The following TENM3 variants were observed in gnomAD, a reference collection of about 807,000 sequenced individuals.
TENM3 encodes teneurin transmembrane protein 3.
In TENM3, 63 loss-of-function variants were observed where a neutral mutation model predicts 255.1. The ratio of observed to expected loss-of-function variants is 0.25; its 90% CI spans 0.20 to 0.30. The LOEUF is 0.30. Among genes scored for constraint, TENM3 ranks in the 10% least tolerant of loss-of-function variants. The pLI is 1.00. For missense variants in TENM3, 2,929 were observed against 3,461.1 expected, an observed-to-expected ratio of 0.85 and a Z score of 3.86; for synonymous variants, 1,306 against 1,322.3, an observed-to-expected ratio of 0.99 and a Z score of 0.27.
chr4:182,623,044 T>G (rs1425612418), intron 4 of TENM3, among the ~76,000 whole-genome samples: 1 of 148,904 alleles, frequency 6.7e-6, no homozygotes, highest in Non-Finnish European at 1.5e-5. Context: ...TGAGTCTCGC[T>G]CCATTGCCCA....
At chr4:181,961,824 A>G in the TENM3 span, among the ~76,000 whole-genome samples, 1 of 152,234 alleles carries the variant, frequency 6.6e-6, no homozygotes, top group African/African-American at 2.4e-5. Flanking sequence ...TCTTCAAAAG[A>G]GTAAAGATAT....
the TENM3 span, among the ~76,000 whole-genome samples, chr4:181,851,133 G>A: frequency 6.6e-6 from 1 of 152,216 alleles, no homozygotes; most frequent in East Asian, 1.9e-4. Context: ...TCCACTACAA[G>A]ACCCCCTTAT....
intron 7 of TENM3, among the ~76,000 whole-genome samples, chr4:182,678,186 G>C (rs1329836480): frequency 6.6e-6 from 1 of 152,104 alleles, no homozygotes; most frequent in Non-Finnish European, 1.5e-5. Context: ...ACATTGGAAA[G>C]TCTTTTCAGT....
the TENM3 span, among the ~76,000 whole-genome samples, chr4:181,569,928 CCTAA>C: frequency 9.2e-5 from 14 of 151,988 alleles, no homozygotes; most frequent in African/African-American, 2.9e-4. Context: ...CAGTAACGGA[CCTAA>C]CTAAGAAAAA....
At chr4:181,579,886 C>A in the TENM3 span, among the ~76,000 whole-genome samples, 1 of 152,036 alleles carries the variant, frequency 6.6e-6, no homozygotes, top group Admixed American at 6.5e-5. Flanking sequence ...AGGACCATCC[C>A]CATGTTTGGG....
chr4:182,797,861 T>C (rs1488382930), intron 27 of TENM3, among the ~76,000 whole-genome samples: 1 of 152,212 alleles, frequency 6.6e-6, no homozygotes, highest in Non-Finnish European at 1.5e-5. Flanking sequence ...GCAGCCATGG[T>C]TAACACACAC....
the TENM3 span, among the ~76,000 whole-genome samples, chr4:181,869,280 T>C: frequency 6.6e-6 from 1 of 152,234 alleles, no homozygotes; most frequent in Admixed American, 6.6e-5. Flanking sequence ...TTTAGAGGGA[T>C]TTGCAGTCCT....
At chr4:181,989,745 G>A in the TENM3 span, among the ~76,000 whole-genome samples, 518 of 152,178 alleles carry the variant, frequency 3.4e-3, 16 homozygotes, top group South Asian at 0.049. Context: ...GCAGCTATTC[G>A]TATTAACTGG....
chr4:182,573,500 A>G (rs1744611658), intron 3 of TENM3, among the ~76,000 whole-genome samples: 1 of 152,212 alleles, frequency 6.6e-6, no homozygotes. Context: ...ATTTTGTGTG[A>G]CACCATCAGA....
chr4:181,789,505 C>T, the TENM3 span, among the ~76,000 whole-genome samples: 1 of 151,984 alleles, frequency 6.6e-6, no homozygotes, highest in Non-Finnish European at 1.5e-5. Context: ...TATCCACCCA[C>T]TTCAGCCTCC....
chr4:182,409,549 A>C (rs1243367040), intron 3 of TENM3, among the ~76,000 whole-genome samples: 3 of 152,142 alleles, frequency 2.0e-5, no homozygotes, highest in African/African-American at 7.2e-5. Context: ...CCATGTGTAC[A>C]TTGGTGCAGG....
chr4:182,115,638 A>G, the TENM3 span, among the ~76,000 whole-genome samples: 1 of 152,196 alleles, frequency 6.6e-6, no homozygotes, highest in South Asian at 2.1e-4. Context: ...AGTGTTTTCC[A>G]TGTAAAAATT....
intron 12 of TENM3, among the ~76,000 whole-genome samples, chr4:182,706,932 C>A (rs1003134117): frequency 6.6e-6 from 1 of 150,550 alleles, no homozygotes; most frequent in East Asian, 2.0e-4. Flanking sequence ...GCACTCCAGC[C>A]TGGGTGACAG....
intron 3 of TENM3, among the ~76,000 whole-genome samples, chr4:182,361,955 G>C (rs1334843960): frequency 6.6e-6 from 1 of 152,188 alleles, no homozygotes; most frequent in Non-Finnish European, 1.5e-5. Context: ...CTCAGCTGCA[G>C]GTCTGTTGGA....
At chr4:182,025,863 A>G in the TENM3 span, among the ~76,000 whole-genome samples, 1 of 152,064 alleles carries the variant, frequency 6.6e-6, no homozygotes. Context: ...TCTAGGGTAC[A>G]TGTGCACAAT....
intron 1 of TENM3, among the ~76,000 whole-genome samples, chr4:182,225,534 G>A (rs1389863796): frequency 6.6e-6 from 1 of 152,180 alleles, no homozygotes; most frequent in Non-Finnish European, 1.5e-5. Flanking sequence ...GTGGCATGTG[G>A]AATGGTTAGG....
At chr4:181,523,308 T>G in the TENM3 span, among the ~76,000 whole-genome samples, 3 of 152,132 alleles carry the variant, frequency 2.0e-5, no homozygotes, top group Non-Finnish European at 4.4e-5. Flanking sequence ...GCTTCCACAG[T>G]AGAGTTTGAA....
At chr4:181,544,172 G>A in the TENM3 span, among the ~76,000 whole-genome samples, 74 of 151,956 alleles carry the variant, frequency 4.9e-4, 1 homozygote, top group African/African-American at 1.8e-3. Flanking sequence ...ACCAATGGTG[G>A]CAAGTCATTT....
chr4:182,341,106 G>A (rs758761492), intron 2 of TENM3, among the ~76,000 whole-genome samples: 5 of 152,200 alleles, frequency 3.3e-5, no homozygotes, highest in Non-Finnish European at 5.9e-5. Context: ...AACGAGGAAG[G>A]ATTTTTAAAA....
Sources: gnomAD v4.1 joint callset for allele counts (sites outside exome capture counted in the v4.1 genomes callset) on GRCh38, gnomAD v4.1.1 for gene constraint, MANE v1.5 for transcripts, NCBI Gene and HGNC (gene_info 2026-07-23, HGNC 2026-07-21) for gene names.